The following NAALADL2 variants were observed in gnomAD, a reference collection of about 807,000 sequenced individuals.
NAALADL2 encodes inactive N-acetylated-alpha-linked acidic dipeptidase-like protein 2.
NAALADL2 carries 76 observed loss-of-function variants against 87.2 expected under a neutral mutation model. The ratio of observed to expected loss-of-function variants is 0.87; its 90% CI spans 0.72 to 1.05. NAALADL2 has a LOEUF of 1.05. Ranked by LOEUF, NAALADL2 falls within the 50% of genes least tolerant of loss-of-function variation. NAALADL2 has a pLI of 0.00. For synonymous variants in NAALADL2, 354 were observed against 331.0 expected (o/e 1.07, Z -0.75); for missense variants, 1,089 against 945.8 (o/e 1.15, Z -1.99).
chr3:175,800,951 G>A (rs1389164815), intron 13 of NAALADL2, among the ~76,000 whole-genome samples: 1 of 152,156 alleles, frequency 6.6e-6, no homozygotes, highest in Non-Finnish European at 1.5e-5. Flanking sequence ...ATGACTTACA[G>A]GGTTCTGGCT....
At chr3:175,444,701 G>T (rs1366366855) in intron 5 of NAALADL2, among the ~76,000 whole-genome samples, 1 of 152,152 alleles carries the variant, frequency 6.6e-6, no homozygotes, top group Non-Finnish European at 1.5e-5. Flanking sequence ...ATAGCCACTT[G>T]TGGTTCCATG....
intron 2 of NAALADL2, among the ~76,000 whole-genome samples, chr3:175,204,100 C>T (rs1371968748): frequency 2.6e-5 from 4 of 152,124 alleles, no homozygotes; most frequent in South Asian, 2.1e-4. Context: ...TTCTGTGAAG[C>T]CAGCATCACC....
At chr3:174,941,753 T>C (rs1385476402) in intron 1 of NAALADL2, among the ~76,000 whole-genome samples, 2 of 113,584 alleles carry the variant, frequency 1.8e-5, no homozygotes, top group African/African-American at 7.3e-5. Context: ...TTATATAATG[T>C]ACTTCTTTAT....
chr3:175,046,683 C>T (rs1358514460), intron 1 of NAALADL2, among the ~76,000 whole-genome samples: 1 of 152,164 alleles, frequency 6.6e-6, no homozygotes, highest in Admixed American at 6.6e-5. Context: ...TATACAAAGG[C>T]TTGCGACAAT....
At chr3:174,555,889 C>T (rs1469209904) in intron 2 of NAALADL2, among the ~76,000 whole-genome samples, 2 of 151,784 alleles carry the variant, frequency 1.3e-5, no homozygotes, top group Non-Finnish European at 2.9e-5. Flanking sequence ...CAATTTCTGA[C>T]GTGCTGTATT....
chr3:174,781,091 A>G (rs572968330), intron 3 of NAALADL2, among the ~76,000 whole-genome samples: 1 of 152,212 alleles, frequency 6.6e-6, no homozygotes, highest in Admixed American at 6.6e-5. Flanking sequence ...TTTGTTAAGA[A>G]TGTTGAATAT....
Position 175,278,289 on chromosome 3 carries a change from G to A in NAALADL2, c.939+21759G>A, listed in dbSNP as rs542117513. Among the ~76,000 whole-genome samples the A allele has an allele frequency of 8.5e-5, 13 of 152,204 alleles. No homozygotes were observed. The South Asian group carries it at 2.7e-3, about 32-fold the overall frequency. On this transcript the variant is annotated intron_variant, in intron 4 of 13. Coordinates refer to ENST00000454872, the MANE Select transcript of NAALADL2 (RefSeq NM_207015.3). The stretch of plus-strand genomic sequence containing the variant: ...GCAGTCCTTGATACACAGTAGGAGT[G>A]TCTCAAAAATTATATGTTAAATGAG...
chr3:175,072,672 GT>G (rs1715867201), intron 1 of NAALADL2, among the ~76,000 whole-genome samples: 1 of 116,138 alleles, frequency 8.6e-6, no homozygotes, highest in Non-Finnish European at 1.7e-5. Flanking sequence ...TATATCCTAG[GT>G]TAATTATTGA....
chr3:174,757,406 C>A (rs1288366393), intron 3 of NAALADL2, among the ~76,000 whole-genome samples: 1 of 152,100 alleles, frequency 6.6e-6, no homozygotes, highest in Non-Finnish European at 1.5e-5. Context: ...GAGACTTGAA[C>A]AACTAAGTAT....
At chr3:174,751,980 T>C (rs1734874282) in intron 3 of NAALADL2, among the ~76,000 whole-genome samples, 1 of 152,122 alleles carries the variant, frequency 6.6e-6, no homozygotes, top group Non-Finnish European at 1.5e-5. Flanking sequence ...TTTTTTCTTT[T>C]TCTTTTTATT....
chr3:174,539,919 G>A (rs1172771079), intron 1 of NAALADL2, among the ~76,000 whole-genome samples: 1 of 135,088 alleles, frequency 7.4e-6, no homozygotes, highest in East Asian at 2.6e-4. Context: ...ACTGATGATT[G>A]CCCTGTTGTC....
intron 3 of NAALADL2, among the ~76,000 whole-genome samples, chr3:174,775,261 T>TAAAA (rs3040081): frequency 1.5e-4 from 23 of 150,880 alleles, no homozygotes; most frequent in South Asian, 2.1e-4. Flanking sequence ...TCACCTCCCC[T>TAAAA]AAAAAAAATC....
At chr3:175,783,627 A>G (rs956085297) in intron 13 of NAALADL2, among the ~76,000 whole-genome samples, 5 of 152,102 alleles carry the variant, frequency 3.3e-5, no homozygotes, top group African/African-American at 4.8e-5. Flanking sequence ...TTTTCTAAAT[A>G]TACAATCATG....
intron 3 of NAALADL2, among the ~76,000 whole-genome samples, chr3:174,792,487 C>T (rs1434141956): frequency 6.6e-6 from 1 of 152,154 alleles, no homozygotes; most frequent in Non-Finnish European, 1.5e-5. Context: ...TAAGAGCTCT[C>T]TACCCATGTT....
chr3:175,302,755 A>G (rs1757238413), intron 4 of NAALADL2, among the ~76,000 whole-genome samples: 2 of 152,060 alleles, frequency 1.3e-5, no homozygotes. Context: ...TAGGTGTGGT[A>G]CTTACTCAAT....
At chr3:175,689,606 A>G (rs1346976404) in intron 11 of NAALADL2, among the ~76,000 whole-genome samples, 1 of 152,186 alleles carries the variant, frequency 6.6e-6, no homozygotes, top group Non-Finnish European at 1.5e-5. Flanking sequence ...CTCCTCAGCC[A>G]CGATAAACAT....
chr3:174,528,655 A>G (rs1720974630), intron 1 of NAALADL2, among the ~76,000 whole-genome samples: 1 of 152,196 alleles, frequency 6.6e-6, no homozygotes, highest in African/African-American at 2.4e-5. Flanking sequence ...TGCGCAATTT[A>G]CAAAAGAAAG....
intron 2 of NAALADL2, among the ~76,000 whole-genome samples, chr3:174,575,386 G>A (rs191179876): frequency 6.8e-4 from 103 of 152,214 alleles, no homozygotes; most frequent in Admixed American, 1.4e-3. Flanking sequence ...TTGGTACTTT[G>A]TGAGCAATTC....
At chr3:175,094,951 A>G (rs1720868046) in intron 1 of NAALADL2, among the ~76,000 whole-genome samples, 2 of 152,150 alleles carry the variant, frequency 1.3e-5, no homozygotes, top group East Asian at 3.9e-4. Context: ...TAGGTTTACT[A>G]TGTGAATGCA....
Sources: gnomAD v4.1 joint callset for allele counts (sites outside exome capture counted in the v4.1 genomes callset) on GRCh38, gnomAD v4.1.1 for gene constraint, MANE v1.5 for transcripts, NCBI Gene and HGNC (gene_info 2026-07-23, HGNC 2026-07-21) for gene names.